Variants in CPNE8 observed in about 807,000 individuals in gnomAD.
CPNE8 encodes copine-8.
A neutral mutation model predicts 81.5 loss-of-function variants in CPNE8; 45 were observed. The ratio of observed to expected loss-of-function variants is 0.55; its 90% CI spans 0.44 to 0.71. The LOEUF is 0.71. Among genes scored for constraint, CPNE8 ranks in the 30% least tolerant of loss-of-function variants. The pLI is 0.00. For missense variants in CPNE8, 594 were observed against 672.1 expected (o/e 0.88, Z 1.28); for synonymous variants, 252 against 226.3 (o/e 1.11, Z -1.02).
chr12:38,689,180 C>A (rs1939612008), intron 15 of CPNE8, among the ~76,000 whole-genome samples: 1 of 152,128 alleles, frequency 6.6e-6, no homozygotes, highest in Admixed American at 6.5e-5. Flanking sequence ...AATTAACAAC[C>A]TTTCCATTTA....
chr12:38,833,878 C>G (rs1422487697), intron 5 of CPNE8, among the ~76,000 whole-genome samples: 1 of 152,088 alleles, frequency 6.6e-6, no homozygotes, highest in African/African-American at 2.4e-5. Flanking sequence ...ATACCTGAAT[C>G]ATGTGAGGGA....
intron 6 of CPNE8, among the ~76,000 whole-genome samples, chr12:38,786,048 A>G (rs574039101): frequency 1.3e-5 from 2 of 152,204 alleles, no homozygotes; most frequent in Non-Finnish European, 2.9e-5. Flanking sequence ...GACAGGTGAA[A>G]GTCCTTACTT....
intron 1 of CPNE8, among the ~76,000 whole-genome samples, chr12:38,891,240 G>A (rs941362881): frequency 6.6e-6 from 1 of 151,746 alleles, no homozygotes; most frequent in South Asian, 2.1e-4. Context: ...CAAATTATCC[G>A]TCAATATTTA....
At chr12:38,811,290 A>T (rs34733209) in intron 6 of CPNE8, among the ~76,000 whole-genome samples, 5,273 of 152,260 alleles carry the variant, frequency 0.035, 323 homozygotes, top group African/African-American at 0.12. Flanking sequence ...TAATTCATAA[A>T]ATAGATTATT....
intron 13 of CPNE8, among the ~76,000 whole-genome samples, chr12:38,715,485 T>A (rs2136720760): frequency 6.6e-6 from 1 of 152,146 alleles, no homozygotes; most frequent in African/African-American, 2.4e-5. Flanking sequence ...GCAGGGATAG[T>A]TTAACATACG....
At chr12:38,894,768 A>T (rs188950670) in intron 1 of CPNE8, among the ~76,000 whole-genome samples, 1 of 151,662 alleles carries the variant, frequency 6.6e-6, no homozygotes, top group East Asian at 2.0e-4. Flanking sequence ...TTAAAGAAAA[A>T]TGTTTGTGTT....
chr12:38,874,169 T>G (rs1382686704), intron 2 of CPNE8, among the ~76,000 whole-genome samples: 1 of 152,154 alleles, frequency 6.6e-6, no homozygotes, highest in Non-Finnish European at 1.5e-5. Flanking sequence ...CTTTAAATTA[T>G]GGCCCATTAC....
intron 15 of CPNE8, among the ~76,000 whole-genome samples, chr12:38,688,840 G>T (rs1939602925): frequency 6.6e-6 from 1 of 152,112 alleles, no homozygotes; most frequent in South Asian, 2.1e-4. Flanking sequence ...TGGGAGGAAG[G>T]TGAAGGATAA....
At chr12:38,812,686 G>T (rs571897873) in intron 6 of CPNE8, among the ~76,000 whole-genome samples, 2 of 152,174 alleles carry the variant, frequency 1.3e-5, no homozygotes, top group African/African-American at 4.8e-5. Flanking sequence ...AGGTGTTTAA[G>T]TCATGAGGGC....
At chr12:38,734,166 A>G (rs1940900659) in intron 10 of CPNE8, among the ~76,000 whole-genome samples, 1 of 151,956 alleles carries the variant, frequency 6.6e-6, no homozygotes, top group Non-Finnish European at 1.5e-5. Context: ...ACTTCATCTC[A>G]GGATTCCCAG....
chr12:38,707,669 T>C (rs1352804443), intron 13 of CPNE8, among the ~76,000 whole-genome samples: 1 of 152,214 alleles, frequency 6.6e-6, no homozygotes, highest in African/African-American at 2.4e-5. Flanking sequence ...TGATGACTGA[T>C]TGATGACAAG....
chr12:38,685,649 A>C, intron 15 of CPNE8, 32 bp from the exon 16 acceptor site: 1 of 1,601,520 alleles, frequency 6.2e-7, no homozygotes, highest in Non-Finnish European at 8.5e-7. Context: ...ACAAAACAAA[A>C]CAACAGTAAA....
intron 6 of CPNE8, among the ~76,000 whole-genome samples, chr12:38,783,365 G>A (rs1942097514): frequency 6.6e-6 from 1 of 152,080 alleles, no homozygotes; most frequent in Non-Finnish European, 1.5e-5. Flanking sequence ...ATCAAAAGAG[G>A]CACTGAAGAA....
In CPNE8 at chr12:38,760,853, T is replaced by C. The variant is rs749641781; in HGVS notation, c.716A>G (p.Asp239Gly). The change falls in exon 10 of 20, where the codon GAT (aspartate) becomes GGT (glycine). Residue 239 changes from aspartate (D) to glycine (G), a missense_variant. By Grantham distance (94) the Asp-to-Gly change is moderately conservative. Transcript: ENST00000331366. ...IKVEVYDWDR[D>G]GSHDFIGEFT... ...AAGATAAGAACTGTCTTACCTTCCA[T>C]CTCGGTCCCAGTCATACACCTCTAC... The C allele has an allele frequency of 2.5e-6, 4 of 1,593,498 alleles. No homozygotes were observed. Among genetic ancestry groups the C allele is most frequent in the Non-Finnish European group, 2.6e-6 (3 of 1,172,476 alleles).
At chr12:38,765,084 A>C (rs144563734) in intron 8 of CPNE8, among the ~76,000 whole-genome samples, 1,958 of 152,290 alleles carry the variant, frequency 0.013, 30 homozygotes, top group South Asian at 0.042. Context: ...TGTCCTTCTT[A>C]CTGAGATATT....
intron 19 of CPNE8, 54 bp from the exon 20 acceptor site, chr12:38,654,124 A>G (rs7484524): frequency 2.0e-6 from 3 of 1,513,982 alleles, no homozygotes; most frequent in Middle Eastern, 2.4e-4. Context: ...GCTATGTAAT[A>G]AACACAAAAA....
intron 3 of CPNE8, among the ~76,000 whole-genome samples, chr12:38,862,950 A>G (rs1943860217): frequency 6.6e-6 from 1 of 152,192 alleles, no homozygotes; most frequent in Admixed American, 6.5e-5. Flanking sequence ...CTGTGACTCA[A>G]AAAAGAAATA....
At chr12:38,675,140 A>T (rs1349799263) in intron 18 of CPNE8, among the ~76,000 whole-genome samples, 1 of 152,212 alleles carries the variant, frequency 6.6e-6, no homozygotes, top group East Asian at 1.9e-4. Context: ...ATTTAGCATA[A>T]TTATATAAAG....
intron 3 of CPNE8, among the ~76,000 whole-genome samples, chr12:38,866,789 T>C (rs1322833737): frequency 2.0e-5 from 3 of 152,144 alleles, no homozygotes; most frequent in African/African-American, 7.2e-5. Flanking sequence ...AACCATGACG[T>C]TAAACTGTAT....
Sources: gnomAD v4.1 joint callset for allele counts (sites outside exome capture counted in the v4.1 genomes callset) on GRCh38, gnomAD v4.1.1 for gene constraint, MANE v1.5 for transcripts, NCBI Gene and HGNC (gene_info 2026-07-23, HGNC 2026-07-21) for gene names.